The following TBXAS1 variants were observed in gnomAD, a reference collection of about 807,000 sequenced individuals.
TBXAS1 encodes the protein thromboxane-A synthase.
In TBXAS1, 48 loss-of-function variants were observed where a neutral mutation model predicts 60.7. That is an observed-to-expected ratio of 0.79 (90% CI 0.63 to 1.01). The LOEUF (loss-of-function observed/expected upper bound fraction) is 1.01. Ranked by LOEUF, TBXAS1 falls within the 50% of genes least tolerant of loss-of-function variation. The pLI is 0.00. For synonymous variants in TBXAS1, 287 were observed against 269.7 expected (o/e 1.06, Z -0.63); for missense variants, 685 against 686.3 (o/e 1.00, Z 0.02).
chr7:139,867,431 T>C (rs547858094), intron 1 of TBXAS1, among the ~76,000 whole-genome samples: 14 of 152,280 alleles, frequency 9.2e-5, no homozygotes, highest in African/African-American at 3.4e-4. Flanking sequence ...AGTTTGACCA[T>C]CTCCTTAATA....
At chr7:139,961,130 C>T (rs774602717) in intron 8 of TBXAS1, among the ~76,000 whole-genome samples, 2 of 152,026 alleles carry the variant, frequency 1.3e-5, no homozygotes, top group Non-Finnish European at 2.9e-5. Context: ...TAAACGGGGG[C>T]AGGGGATTAC....
chr7:139,850,335 A>C (rs942398636), intron 1 of TBXAS1, among the ~76,000 whole-genome samples: 27 of 152,372 alleles, frequency 1.8e-4, no homozygotes, highest in Middle Eastern at 3.4e-3. Flanking sequence ...AGTTAGTGTA[A>C]TAACAATAAG....
At chr7:139,829,057 G>A (rs1294732234), upstream of TBXAS1, 6 of 410,900 alleles carry the variant, frequency 1.5e-5, no homozygotes, top group South Asian at 6.0e-5. Context: ...GTACAAGTCC[G>A]TGGTTACAAC....
Position 139,872,326 on chromosome 7 carries a change from C to T in TBXAS1, c.181C>T (p.Gln61Ter). 2 of 1,613,558 alleles carry T rather than the reference C, an allele frequency of 1.2e-6. No individual in the cohort carries two copies. The highest frequency in any genetic ancestry group is 8.5e-7 in the Non-Finnish European group (1 of 1,179,644). The change falls in exon 2 of 13, where the codon CAG (glutamine) becomes TAG (stop). Residue 61 changes from glutamine to a stop codon, truncating the protein, a stop_gained and splice_region_variant. Coordinates refer to ENST00000448866, the MANE Select transcript of TBXAS1 (RefSeq NM_001061.7). LOFTEE classifies it high-confidence loss of function. Reference protein sequence around the residue: ...PFIGNLTFFRQGFWESQMELR... With the variant: ...PFIGNLTFFR ...CATTGGAAACTTGACATTTTTCCGC[C>T]AGGTAAGGGCTGTCTTCCATTGGCT...
chr7:139,815,335 A>G lies in TBXAS1; in HGVS notation c.-79-13977A>G, dbSNP rs115146942. 7.0e-3 allele frequency among the ~76,000 whole-genome samples: 1,071 copies of G among 152,150 alleles called. 8 individuals are homozygous for G. The highest frequency in any genetic ancestry group is 0.024 in the African/African-American group (1,006 of 41,494). On this transcript the variant is annotated intron_variant, in intron 4 of 16. Coordinates refer to the TBXAS1 transcript ENST00000336425. ...GGAGCTCCTAGAACTTATCTTAGCA[A>G]TTTTCCAAGTTTCTAGGCAGCCTGA...
At chr7:139,991,353 G>A (rs144385173) in intron 9 of TBXAS1, among the ~76,000 whole-genome samples, 118 of 146,956 alleles carry the variant, frequency 8.0e-4, no homozygotes, top group Non-Finnish European at 1.0e-3. Flanking sequence ...TGTTGCCACG[G>A]TGCCCACACT....
At chr7:139,977,555 A>C (rs960387925) in intron 9 of TBXAS1, among the ~76,000 whole-genome samples, 2 of 152,170 alleles carry the variant, frequency 1.3e-5, no homozygotes, top group African/African-American at 4.8e-5. Context: ...TCCATGTTAC[A>C]GACAAGGCAC....
upstream of TBXAS1, among the ~76,000 whole-genome samples, chr7:139,828,487 T>G (rs1001543594): frequency 6.6e-6 from 1 of 152,192 alleles, no homozygotes; most frequent in Non-Finnish European, 1.5e-5. Flanking sequence ...GCAGTCTGGT[T>G]CCTTCAGAGA....
chr7:139,878,321 TTA>T (rs1802420100), intron 3 of TBXAS1, among the ~76,000 whole-genome samples: 1 of 152,134 alleles, frequency 6.6e-6, no homozygotes, highest in Admixed American at 6.5e-5. Flanking sequence ...TCCTCCAACT[TTA>T]ACTGAGTTAA....
chr7:139,908,215 T>C (rs1805258350), intron 3 of TBXAS1, among the ~76,000 whole-genome samples: 1 of 152,030 alleles, frequency 6.6e-6, no homozygotes, highest in African/African-American at 2.4e-5. Flanking sequence ...TGTTCTTCTT[T>C]TTCTAGTTTC....
intron 3 of TBXAS1, among the ~76,000 whole-genome samples, chr7:139,889,881 C>T (rs149807066): frequency 5.9e-4 from 90 of 152,226 alleles, no homozygotes; most frequent in African/African-American, 2.0e-3. Context: ...AACATTCAGA[C>T]CATGGCAGAG....
intron 9 of TBXAS1, among the ~76,000 whole-genome samples, chr7:139,984,023 C>G (rs2267702): frequency 0.23 from 34,963 of 152,164 alleles, 4,569 homozygotes; most frequent in East Asian, 0.34. Context: ...GCCTTCATCA[C>G]TTGTATCTTC....
chr7:139,869,891 A>C (rs935928879), intron 1 of TBXAS1, among the ~76,000 whole-genome samples: 4 of 152,208 alleles, frequency 2.6e-5, no homozygotes, highest in Non-Finnish European at 4.4e-5. Flanking sequence ...CTGAGACCAG[A>C]GGGTATGAAA....
At chr7:139,812,219 T>C (rs1798036559) in intron 4 of TBXAS1, among the ~76,000 whole-genome samples, 1 of 152,200 alleles carries the variant, frequency 6.6e-6, no homozygotes. Context: ...GAAAAGTAGG[T>C]TGAAATGTTC....
intron 3 of TBXAS1, among the ~76,000 whole-genome samples, chr7:139,888,125 T>C (rs1477911699): frequency 6.6e-6 from 1 of 152,198 alleles, no homozygotes; most frequent in African/African-American, 2.4e-5. Flanking sequence ...CCGACCCCAT[T>C]ATCAACAAAT....
chr7:139,983,632 A>G (rs960323850), intron 9 of TBXAS1, among the ~76,000 whole-genome samples: 1 of 152,168 alleles, frequency 6.6e-6, no homozygotes, highest in African/African-American at 2.4e-5. Flanking sequence ...TCACCTACTC[A>G]GTCTAGATTT....
chr7:139,906,106 A>G (rs1403711767), intron 3 of TBXAS1: 1 of 400,386 alleles, frequency 2.5e-6, no homozygotes, highest in Non-Finnish European at 4.8e-6. Context: ...CCCAGTCTGT[A>G]GTGCAGTGGC....
At chr7:140,006,378 G>A (rs1324354214) in intron 9 of TBXAS1, among the ~76,000 whole-genome samples, 1 of 152,136 alleles carries the variant, frequency 6.6e-6, no homozygotes. Flanking sequence ...GTCACCCGGG[G>A]GTGTTAGGAT....
intron 5 of TBXAS1, chr7:139,952,438 T>G: frequency 7.8e-7 from 1 of 1,285,642 alleles, no homozygotes; most frequent in Non-Finnish European, 1.0e-6. Flanking sequence ...ATAGGTTACA[T>G]TTTATGTCTT....
Sources: gnomAD v4.1 joint callset for allele counts (sites outside exome capture counted in the v4.1 genomes callset) on GRCh38, gnomAD v4.1.1 for gene constraint, MANE v1.5 for transcripts, NCBI Gene and HGNC (gene_info 2026-07-23, HGNC 2026-07-21) for gene names.